Variants in C1orf167 observed in about 807,000 individuals in gnomAD.
The protein encoded by C1orf167 is chromosome 1 open reading frame 167.
A neutral mutation model predicts 176.5 loss-of-function variants in C1orf167; 153 were observed. The observed-to-expected ratio is 0.87, with a 90% confidence interval of 0.76 to 0.99. The LOEUF is 0.99. Ranked by LOEUF, C1orf167 falls within the 50% of genes least tolerant of loss-of-function variation. The pLI, the probability that C1orf167 is intolerant of heterozygous loss-of-function variation, is 0.00. For missense variants in C1orf167, 1,490 were observed against 1,817.7 expected (o/e 0.82, Z 3.28); for synonymous variants, 594 against 752.7 (o/e 0.79, Z 3.45).
rs138526324 is a variant in C1orf167 at position 11,789,258 on chromosome 1, C to T, written c.4174-12C>T. 25 of 1,303,438 alleles carry T rather than the reference C, an allele frequency of 1.9e-5. No homozygotes were observed. The East Asian group carries it at 1.3e-3, about 67-fold the overall frequency. The allele number at this position is 1,303,438 out of a possible 1,614,324, so 80.7% of individuals were successfully genotyped here. A position where few individuals can be genotyped will look rare whatever the true frequency, so the allele number is the denominator to read the frequency against. ...CCACAACAATAGCATTTCCTCTCCTCCCTGGTTCCAGGCCTTTAAGAAGTG... is the reference window on the plus strand; with the variant it reads ...CCACAACAATAGCATTTCCTCTCCTTCCTGGTTCCAGGCCTTTAAGAAGTG... On this transcript the variant is annotated splice_polypyrimidine_tract_variant and intron_variant, in intron 20 of 20. Transcript: ENST00000688073.
chr1:11,781,729 T>A (rs569391239), intron 13 of C1orf167, among the ~76,000 whole-genome samples: 13 of 152,052 alleles, frequency 8.5e-5, no homozygotes, highest in African/African-American at 2.2e-4. Flanking sequence ...GCTAACATGG[T>A]GAAACCCCGT....
Position 11,768,214 on chromosome 1 carries a change from C to T in C1orf167, c.1481C>T (p.Ala494Val), listed in dbSNP as rs866252140. Residue 494 changes from alanine (A) to valine (V), a missense_variant, in exon 5 of 21, where the codon GCT becomes GTT. Physicochemically the swap from Ala to Val is moderately conservative, Grantham distance 64. Coordinates refer to ENST00000688073, the MANE Select transcript of C1orf167 (RefSeq NM_001010881.2). The surrounding 1 kb of genome is among the most constrained non-coding windows in gnomAD (Gnocchi z 4.5). ...KCLQALWLREAQLEAAWGQYT... is the reference protein window; with the variant it reads ...KCLQALWLREVQLEAAWGQYT... The stretch of plus-strand genomic sequence containing the variant: ...CTTCAGGCCTTGTGGCTCCGGGAGG[C>T]TCAGCTGGAGGCAGCATGGGGGCAG... The T allele has an allele frequency of 7.8e-6, 10 of 1,289,758 alleles. No homozygotes were observed. In the Middle Eastern group the frequency reaches 1.7e-3, roughly 220 times the overall value. The allele number at this position is 1,289,758 out of a possible 1,614,324, so 79.9% of individuals were successfully genotyped here.
chr1:11,770,625 T>C (rs574202135), intron 6 of C1orf167, among the ~76,000 whole-genome samples: 43 of 149,204 alleles, frequency 2.9e-4, no homozygotes, highest in Admixed American at 2.0e-3. Flanking sequence ...TTTTTTTTTT[T>C]GTATTTTTGT....
Position 11,787,429 on chromosome 1 carries a change from C to G in C1orf167, c.3609C>G (p.Pro1203=), listed in dbSNP as rs977754404. 23 of 1,303,136 alleles carry G rather than the reference C, an allele frequency of 1.8e-5. No homozygotes were observed. Among genetic ancestry groups the G allele is most frequent in the African/African-American group, 3.0e-5 (2 of 65,850 alleles). 80.7% of individuals were successfully genotyped at this position (1,303,136 alleles called of 1,614,324 possible). ...CACAGGCCACAGAGCTGGTGCCTCCCGCGCCATCACTGCAGTGCAGCCTGG... is the reference window on the plus strand; with the variant it reads ...CACAGGCCACAGAGCTGGTGCCTCCGGCGCCATCACTGCAGTGCAGCCTGG... ...CWTQATELVP[P]APSLQCSLGG... Residue 1203 remains proline, a synonymous_variant, in exon 17 of 21, where the codon CCC becomes CCG. Transcript: ENST00000688073.
At chr1:11,776,062 G>A (rs1360644422) in intron 9 of C1orf167, among the ~76,000 whole-genome samples, 2 of 152,170 alleles carry the variant, frequency 1.3e-5, no homozygotes, top group African/African-American at 2.4e-5. Context: ...TTCCAGACCA[G>A]CCTGGCCAAC....
At chr1:11,780,954 G>C (rs1159291244) in intron 13 of C1orf167, among the ~76,000 whole-genome samples, 1 of 150,390 alleles carries the variant, frequency 6.6e-6, no homozygotes, top group African/African-American at 2.4e-5. Context: ...TGCTCTCTGG[G>C]TCTTGGCCTC....
chr1:11,787,512 G>C lies in C1orf167; in HGVS notation c.3673+19G>C. The C allele has an allele frequency of 3.9e-6, 5 of 1,287,316 alleles. No individual in the cohort carries two copies. The highest frequency in any genetic ancestry group is 4.1e-6 in the Non-Finnish European group (4 of 979,936). 79.7% of individuals were successfully genotyped at this position (1,287,316 alleles called of 1,614,324 possible). A position where few individuals can be genotyped will look rare whatever the true frequency, so the allele number is the denominator to read the frequency against. ...GCTCAGAGTAAGGAGACCTTGCCCCGGGGGACAAACGGTGTCTGAAGTGCA... is the reference window on the plus strand; with the variant it reads ...GCTCAGAGTAAGGAGACCTTGCCCCCGGGGACAAACGGTGTCTGAAGTGCA... On this transcript the variant is annotated intron_variant, in intron 17 of 20. Transcript: ENST00000688073.
rs1465678387 is a variant in C1orf167 at position 11,779,014 on chromosome 1, T to A, written c.2585T>A (p.Leu862His). 9 of 1,300,850 alleles carry A rather than the reference T, an allele frequency of 6.9e-6. No homozygotes were observed. The highest frequency in any genetic ancestry group is 2.2e-4 in the Middle Eastern group (1 of 4,650). 80.6% of individuals were successfully genotyped at this position (1,300,850 alleles called of 1,614,324 possible). The change falls in exon 12 of 21, where the codon CTC becomes CAC. Residue 862 changes from leucine (L) to histidine (H), a missense_variant. Leu to His is a moderately conservative substitution (Grantham distance 99, BLOSUM62 -3). Transcript: ENST00000688073. ...GQRQQGQCLL[L>H]WQARAQQFQG... ...CGGCAGCAGGGGCAGTGCCTTCTGCTCTGGCAGGCACGGGCCCAGCAGTTC... is the reference window on the plus strand; with the variant it reads ...CGGCAGCAGGGGCAGTGCCTTCTGCACTGGCAGGCACGGGCCCAGCAGTTC...
Position 11,768,119 on chromosome 1 carries a change from G to T in C1orf167, c.1386G>T (p.Leu462Phe). 1.6e-6 allele frequency: 2 copies of T among 1,289,632 alleles called. No individual in the cohort carries two copies. The highest frequency in any genetic ancestry group is 2.0e-6 in the Non-Finnish European group (2 of 988,804). 79.9% of individuals were successfully genotyped at this position (1,289,632 alleles called of 1,614,324 possible). The change falls in exon 5 of 21, where the codon TTG (leucine) becomes TTT (phenylalanine). Residue 462 changes from leucine to phenylalanine, a missense_variant. Leu to Phe is a conservative substitution (Grantham distance 22, BLOSUM62 0). Transcript: ENST00000688073. This position sits in a 1 kb window ranked among gnomAD's most constrained non-coding sequence, Gnocchi z 4.5. ...LSRCFRSWRH[L>F]VKRQREPAAA... is the part of the protein sequence containing the mutation. ...GATGTTTTCGATCCTGGAGGCACTT[G>T]GTGAAGAGGCAGCGGGAGCCAGCGG...
chr1:11,788,137 CT>C lies in C1orf167; in HGVS notation c.3849-11del. ...CCTGAGCCATGGCTACAGCTGGGCC[CT>C]CTCTGGCCAGTGCTCGTTCCTGCAG... On this transcript the variant is annotated splice_polypyrimidine_tract_variant and intron_variant, in intron 18 of 20. Coordinates refer to ENST00000688073, the MANE Select transcript of C1orf167 (RefSeq NM_001010881.2). 1 of 1,280,952 alleles carries C rather than the reference CT, an allele frequency of 7.8e-7. No homozygotes were observed. The allele number at this position is 1,280,952 out of a possible 1,614,324, so 79.3% of individuals were successfully genotyped here.
intron 8 of C1orf167, among the ~76,000 whole-genome samples, chr1:11,773,429 C>T (rs867463532): frequency 6.6e-6 from 1 of 151,896 alleles, no homozygotes; most frequent in Non-Finnish European, 1.5e-5. Context: ...AACCACTGGC[C>T]GGGCGCGGTG....
rs1357392531 is a variant in C1orf167, at chr1:11,775,435, G to T, written c.1989G>T (p.Arg663Ser). The change falls in exon 9 of 21, where the codon AGG becomes AGT. Residue 663 changes from arginine to serine, a missense_variant and splice_region_variant. Coordinates refer to ENST00000688073, the MANE Select transcript of C1orf167 (RefSeq NM_001010881.2). ...GGGTACTTTCCCTCTGTTCTCCCAG[G>T]TGCTTCGGGGCGTGGCAGCAGTTCG... ...SPQHQRAWLC[R>S]CFGAWQQFVQ... The T allele has an allele frequency of 2.3e-6, 3 of 1,295,804 alleles. No individual in the cohort carries two copies. The highest frequency in any genetic ancestry group is 3.0e-6 in the Non-Finnish European group (3 of 984,732). The allele number at this position is 1,295,804 out of a possible 1,614,324, so 80.3% of individuals were successfully genotyped here.
intron 17 of C1orf167, 93 bp downstream of exon 17, chr1:11,787,586 G>A (rs1239566307): frequency 1.1e-6 from 1 of 936,598 alleles, no homozygotes; most frequent in Non-Finnish European, 1.4e-6. Flanking sequence ...CAGCTCCTTG[G>A]GACACGGTCT....
chr1:11,780,578 CCT>C (rs1261032213), intron 13 of C1orf167, among the ~76,000 whole-genome samples: 1 of 152,194 alleles, frequency 6.6e-6, no homozygotes, highest in African/African-American at 2.4e-5. Flanking sequence ...AGTTAACCTC[CCT>C]GAGTCTCAGC....
rs988863619 is a variant in C1orf167 at position 11,788,706 on chromosome 1, C to A, written c.4133C>A (p.Ala1378Glu). ...GCAGACGTGGTGGCAGCGGATCCTG[C>A]GACTGCGAGTGGCTCAGCAGTTACA... ...GLADVVAADP[A>E]TASGSAVTAA... The change falls in exon 20 of 21, where the codon GCG becomes GAG. Residue 1378 changes from alanine to glutamate, a missense_variant. By Grantham distance (107) the Ala-to-Glu change is moderately radical (BLOSUM62 -1). Transcript: ENST00000688073. 2 of 1,304,234 alleles carry A rather than the reference C, an allele frequency of 1.5e-6. No homozygotes were observed. The highest frequency in any genetic ancestry group is 2.0e-6 in the Non-Finnish European group (2 of 988,956). 80.8% of individuals were successfully genotyped at this position (1,304,234 alleles called of 1,614,324 possible).
intron 6 of C1orf167, among the ~76,000 whole-genome samples, chr1:11,770,731 G>A (rs938107977): frequency 6.6e-6 from 1 of 151,212 alleles, no homozygotes; most frequent in East Asian, 1.9e-4. Context: ...CACAGTGCTG[G>A]GATTATAGAC....
chr1:11,773,793 TACTC>T (rs764888634), intron 8 of C1orf167, among the ~76,000 whole-genome samples: 6 of 152,200 alleles, frequency 3.9e-5, no homozygotes, highest in Admixed American at 6.6e-5. Context: ...TGTTCCTTAA[TACTC>T]ACGAATATCT....
In C1orf167 at chr1:11,766,245, C is replaced by G. The variant is rs1210971655; in HGVS notation, c.459C>G (p.Leu153=). The G allele has an allele frequency of 7.8e-7, 1 of 1,289,800 alleles. No individual in the cohort carries two copies. Among genetic ancestry groups the G allele is most frequent in the South Asian group, 1.2e-5 (1 of 81,024 alleles). The allele number at this position is 1,289,800 out of a possible 1,614,324, so 79.9% of individuals were successfully genotyped here. A position where few individuals can be genotyped will look rare whatever the true frequency, so the allele number is the denominator to read the frequency against. Residue 153 remains leucine (L), a synonymous_variant, in exon 3 of 21, where the codon CTC becomes CTG. Transcript: ENST00000688073. This position sits in a 1 kb window ranked among gnomAD's most constrained non-coding sequence, Gnocchi z 4.5. ...SGPHKLPWGP[L]LSQEPLARPS... is the part of the protein sequence containing the mutation. ...CCCACAAGCTTCCCTGGGGTCCTCT[C>G]CTATCCCAAGAGCCACTGGCTCGCC...
chr1:11,766,269 C>T lies in C1orf167; in HGVS notation c.483C>T (p.Arg161=), dbSNP rs996567968. The change falls in exon 3 of 21, where the codon CGC becomes CGT. Residue 161 remains arginine (R), a synonymous_variant. Transcript: ENST00000688073. This position sits in a 1 kb window ranked among gnomAD's most constrained non-coding sequence, Gnocchi z 4.5. ...GPLLSQEPLA[R]PSSCLRQSGL... is the part of the protein sequence containing the mutation. Reference sequence around the variant, plus strand: ...TCCTATCCCAAGAGCCACTGGCTCGCCCATCTTCCTGCCTGAGGCAGTCCG... The same window carrying T: ...TCCTATCCCAAGAGCCACTGGCTCGTCCATCTTCCTGCCTGAGGCAGTCCG... The T allele has an allele frequency of 6.2e-6, 8 of 1,289,708 alleles. No homozygotes were observed. The highest frequency in any genetic ancestry group is 8.1e-6 in the Non-Finnish European group (8 of 988,874). The allele number at this position is 1,289,708 out of a possible 1,614,324, so 79.9% of individuals were successfully genotyped here. A position where few individuals can be genotyped will look rare whatever the true frequency, so the allele number is the denominator to read the frequency against.
Sources: allele counts gnomAD v4.1 joint callset (sites outside exome capture counted in the v4.1 genomes callset), GRCh38; gene constraint gnomAD v4.1.1; non-coding constraint Gnocchi (gnomAD v3.1); transcripts MANE v1.5; gene names NCBI Gene and HGNC (gene_info 2026-07-23, HGNC 2026-07-21).